SRRM1: variants seen among roughly 807,000 people sequenced by gnomAD.
SRRM1 encodes the protein serine and arginine repetitive matrix 1, also known as serine/arginine repetitive matrix protein 1.
SRRM1 carries 19 observed loss-of-function variants against 110.2 expected under a neutral mutation model. That is an observed-to-expected ratio of 0.17 (90% confidence interval 0.12 to 0.25). SRRM1 has a LOEUF of 0.25. Among genes scored for constraint, SRRM1 ranks in the 10% least tolerant of loss-of-function variants. The pLI is 1.00. For synonymous variants in SRRM1, 443 were observed against 414.9 expected (o/e 1.07, Z -0.82); for missense variants, 918 against 1,145.8 (o/e 0.80, Z 2.87).
At chr1:24,644,161 C>G (rs1347834056) in intron 1 of SRRM1, among the ~76,000 whole-genome samples, 5 of 152,126 alleles carry the variant, frequency 3.3e-5, no homozygotes, top group African/African-American at 1.2e-4. Context: ...CCAGCGTCGT[C>G]TGCCCATCGC....
intron 1 of SRRM1, among the ~76,000 whole-genome samples, chr1:24,643,937 T>C (rs1019719971): frequency 3.3e-5 from 5 of 151,948 alleles, no homozygotes; most frequent in African/African-American, 1.2e-4. Flanking sequence ...CAATTTGATA[T>C]CCCTTCAGGG....
chr1:24,649,868 GATGAA>G (rs1260204667), intron 4 of SRRM1, 98 bp from the exon 5 acceptor site: 7 of 1,027,296 alleles, frequency 6.8e-6, no homozygotes, highest in Non-Finnish European at 8.1e-6. Flanking sequence ...AGAAGAGGCC[GATGAA>G]ATGATAATAG....
rs1198669157 is a variant in SRRM1, at chr1:24,662,199, A to C, written c.1484-461A>C. 2.0e-5 allele frequency among the ~76,000 whole-genome samples: 3 copies of C among 152,070 alleles called. No individual in the cohort carries two copies. The East Asian group carries it at 5.8e-4, about 29-fold the overall frequency. On this transcript the variant is annotated intron_variant, in intron 11 of 16. Transcript: ENST00000323848. ...TATGGTGGCTTAACCTGTAACCCCA[A>C]CACTTTGGGAGGCTGAGGTAGATGG...
At position 24,657,104 on chromosome 1, in the gene SRRM1, A is replaced by G. The variant is rs1394777015; in HGVS notation, c.1315+1975A>G. 4.6e-5 allele frequency among the ~76,000 whole-genome samples: 7 copies of G among 152,180 alleles called. No homozygotes were observed. The East Asian group carries it at 7.7e-4, about 17-fold the overall frequency. On this transcript the variant is annotated intron_variant, in intron 9 of 16. Transcript: ENST00000323848. ...CCCCACCACCCCGCTAAATAGAGCC[A>G]GCATCTCACTCTGTCACTCGGGCTG...
chr1:24,667,675 G>C (rs1415545554), intron 13 of SRRM1, among the ~76,000 whole-genome samples: 2 of 152,180 alleles, frequency 1.3e-5, no homozygotes, highest in South Asian at 4.1e-4. Context: ...AGAGATGTAG[G>C]GTCCTGGAGC....
intron 12 of SRRM1, among the ~76,000 whole-genome samples, chr1:24,664,661 TTG>T (rs1668985060): frequency 6.6e-6 from 1 of 152,210 alleles, no homozygotes; most frequent in Non-Finnish European, 1.5e-5. Context: ...TGAGCAGTGT[TTG>T]TGATGGAGCA....
At chr1:24,648,753 T>C in intron 3 of SRRM1, 106 bp from the exon 4 acceptor site, 1 of 961,898 alleles carries the variant, frequency 1.0e-6, no homozygotes, top group Non-Finnish European at 1.6e-6. Context: ...TAAGCCCCTA[T>C]GGTAGACTTA....
Position 24,670,329 on chromosome 1 carries a change from T to G in SRRM1, c.2400+14T>G, listed in dbSNP as rs1336876380. ...TCACCGCCAAGAGTATGTGTCTGCC[T>G]TATTTTGGACACCCTTTTATAAATA... On this transcript the variant is annotated intron_variant, in intron 15 of 16. Transcript: ENST00000323848. 1 of 1,588,520 alleles carries G rather than the reference T, an allele frequency of 6.3e-7. No homozygotes were observed. Among genetic ancestry groups the G allele is most frequent in the Non-Finnish European group, 8.6e-7 (1 of 1,168,272 alleles).
intron 1 of SRRM1, among the ~76,000 whole-genome samples, chr1:24,644,148 C>T (rs1194057540): frequency 6.6e-6 from 1 of 152,162 alleles, no homozygotes; most frequent in African/African-American, 2.4e-5. Flanking sequence ...TACCTAGGCT[C>T]TGCCAGCGTC....
At chr1:24,660,297 T>C (rs1666476377) in intron 9 of SRRM1, among the ~76,000 whole-genome samples, 3 of 152,238 alleles carry the variant, frequency 2.0e-5, no homozygotes, top group Non-Finnish European at 2.9e-5. Flanking sequence ...CAATTTCCTT[T>C]AACTGTTGGT....
intron 1 of SRRM1, chr1:24,643,615 C>G (rs1655215525): frequency 1.3e-5 from 5 of 395,028 alleles, no homozygotes; most frequent in Non-Finnish European, 2.2e-5. Flanking sequence ...GATGGTACCT[C>G]GCTGCCCGCC....
intron 2 of SRRM1, 129 bp from the exon 3 acceptor site, chr1:24,646,538 A>AAG: frequency 2.7e-6 from 2 of 734,038 alleles, no homozygotes; most frequent in African/African-American, 3.7e-5. Context: ...AAAAAAAAAA[A>AAG]AATTAGCAGA....
intron 9 of SRRM1, among the ~76,000 whole-genome samples, chr1:24,657,018 T>G (rs1664518858): frequency 6.6e-6 from 1 of 152,064 alleles, no homozygotes; most frequent in Non-Finnish European, 1.5e-5. Flanking sequence ...GGCAGTGTAG[T>G]CAGTCTCCCC....
At chr1:24,672,026 T>A (rs1488854314) in intron 16 of SRRM1, among the ~76,000 whole-genome samples, 156 bp from the exon 17 acceptor site, 1 of 152,068 alleles carries the variant, frequency 6.6e-6, no homozygotes, top group Non-Finnish European at 1.5e-5. Context: ...ACCCATTAAC[T>A]CGTCGTTTAG....
chr1:24,660,767 C>G lies in SRRM1; in HGVS notation c.1364C>G (p.Pro455Arg), dbSNP rs756921373. The G allele has an allele frequency of 6.3e-7, 1 of 1,594,674 alleles. No homozygotes were observed. The highest frequency in any genetic ancestry group is 1.1e-5 in the South Asian group (1 of 87,134). ...AAAAGAGAATCCCCTTCACCAGCAC[C>G]GAAGCCTAGAAAAGTAGAGTTATCT... ...TEKRESPSPA[P>R]KPRKVELSES... is the part of the protein sequence containing the mutation. The change falls in exon 10 of 17, where the codon CCG (proline) becomes CGG (arginine). Residue 455 changes from proline to arginine, a missense_variant. Pro to Arg is a moderately radical substitution (Grantham distance 103). Around this residue, in one of 5 missense-constraint regions of SRRM1, gnomAD observed 456 missense variants for 453.5 expected, o/e 1.01. Transcript: ENST00000323848.
intron 6 of SRRM1, among the ~76,000 whole-genome samples, chr1:24,651,985 G>C (rs1297720693): frequency 6.9e-6 from 1 of 144,374 alleles, no homozygotes; most frequent in Non-Finnish European, 1.5e-5. Context: ...TCACAAGTTA[G>C]AGAGCAGCCT....
At chr1:24,654,766 A>G in intron 8 of SRRM1, 89 bp from the exon 9 acceptor site, 5 of 1,481,156 alleles carry the variant, frequency 3.4e-6, no homozygotes, top group Non-Finnish European at 4.6e-6. Flanking sequence ...TCGGATTAAA[A>G]TAGCTGTATT....
chr1:24,650,622 T>C (rs2148302016), intron 5 of SRRM1: 1 of 152,382 alleles, frequency 6.6e-6, no homozygotes, highest in Non-Finnish European at 1.5e-5. Flanking sequence ...ATATTTGTGG[T>C]GAAAGGTGAG....
chr1:24,650,852 G>C (rs1278023222), intron 5 of SRRM1, among the ~76,000 whole-genome samples: 1 of 152,216 alleles, frequency 6.6e-6, no homozygotes, highest in Non-Finnish European at 1.5e-5. Context: ...CCTTCTGTGT[G>C]AATAAGAGAA....
Sources: gnomAD v4.1 joint callset for allele counts (sites outside exome capture counted in the v4.1 genomes callset) on GRCh38, gnomAD v4.1.1 for gene constraint, gnomAD v4.1.1 regional missense constraint, MANE v1.5 for transcripts, NCBI Gene and HGNC (gene_info 2026-07-23, HGNC 2026-07-21) for gene names.